RAP1B: variants seen among roughly 807,000 people sequenced by gnomAD.
The protein encoded by RAP1B is RAP1B, member of RAS oncogene family, also known as ras-related protein Rap-1b.
A neutral mutation model predicts 27.5 loss-of-function variants in RAP1B; 1 was observed. The observed-to-expected ratio is 0.04, with a 90% CI of 0.01 to 0.17. RAP1B has a LOEUF of 0.17. Ranked by LOEUF, RAP1B falls within the 10% of genes least tolerant of loss-of-function variation. The probability of loss-of-function intolerance (pLI) is 1.00; values close to 1 mark genes in which losing one functional copy is unlikely to be tolerated. For synonymous variants in RAP1B, 75 were observed against 73.1 expected (o/e 1.03, Z -0.13); for missense variants, 84 against 214.8 (o/e 0.39, Z 3.81).
intron 1 of RAP1B, among the ~76,000 whole-genome samples, chr12:68,616,184 G>A (rs918381300): frequency 2.0e-5 from 3 of 152,144 alleles, no homozygotes; most frequent in Non-Finnish European, 4.4e-5. Context: ...GGATGGTCTG[G>A]ATCTCCTGAC....
At position 68,637,616 on chromosome 12, in the gene RAP1B, A is replaced by C. The variant is rs868573528; in HGVS notation, c.-26-11083A>C. ...CTCCATCTCAAAAAAAAAAAAAAAA[A>C]AAAAAAAAAAAACAAGATGCCAGCC... On this transcript the variant is annotated intron_variant, in intron 1 of 7. Coordinates refer to ENST00000250559, the MANE Select transcript of RAP1B (RefSeq NM_001010942.3). 8.2e-3 allele frequency among the ~76,000 whole-genome samples: 1,229 copies of C among 150,154 alleles called. 15 individuals are homozygous for C. Among genetic ancestry groups the C allele is most frequent in the South Asian group, 0.018 (84 of 4,760 alleles).
Position 68,657,058 on chromosome 12 carries a change from A to G in RAP1B, c.469-43A>G, listed in dbSNP as rs370056267. On this transcript the variant is annotated intron_variant, in intron 6 of 7. Coordinates refer to ENST00000250559, the MANE Select transcript of RAP1B (RefSeq NM_001010942.3). ...ATTTACTTTTTTCATTGGGGGGGAT[A>G]GGTGTTCCTCCTGTAAATTAAAACA... The G allele has an allele frequency of 1.3e-4, 190 of 1,460,874 alleles. 4 individuals are homozygous for G. In the South Asian group the frequency reaches 1.7e-3, roughly 13 times the overall value. 90.5% of individuals were successfully genotyped at this position (1,460,874 alleles called of 1,614,324 possible). A position where few individuals can be genotyped will look rare whatever the true frequency, so the allele number is the denominator to read the frequency against.
intron 1 of RAP1B, chr12:68,627,493 T>G (rs1391359290): frequency 1.1e-5 from 3 of 266,902 alleles, no homozygotes; most frequent in Admixed American, 4.7e-5. Context: ...TAAAATTGAT[T>G]AGGTCTCCCG....
At chr12:68,632,149 T>G (rs1041163646) in intron 1 of RAP1B, among the ~76,000 whole-genome samples, 8 of 116,232 alleles carry the variant, frequency 6.9e-5, no homozygotes, top group African/African-American at 1.1e-4. Flanking sequence ...TTTTTTTGTT[T>G]GTTTTTTTTT....
rs1000667886 is a variant in RAP1B at position 68,662,063 on chromosome 12, A to T, written c.*2814A>T. 1 of 147,624 alleles carries T rather than the reference A, an allele frequency of 6.8e-6. No homozygotes were observed. Among genetic ancestry groups the T allele is most frequent in the Non-Finnish European group, 1.5e-5 (1 of 67,108 alleles). 9.1% of individuals were successfully genotyped at this position (147,624 alleles called of 1,614,324 possible). On this transcript the variant is annotated 3_prime_UTR_variant, in exon 8 of 8. Transcript: ENST00000250559. ...TATAGTACATATATAGAGAGAGTAT[A>T]TATATATATGTAGTACAGTGGAGGT...
chr12:68,617,800 G>A (rs1277142039), intron 1 of RAP1B, among the ~76,000 whole-genome samples: 1 of 151,580 alleles, frequency 6.6e-6, no homozygotes, highest in Admixed American at 6.6e-5. Flanking sequence ...GCCTCACTCT[G>A]TCACCCAGGC....
At chr12:68,641,483 C>T (rs1407531552) in intron 1 of RAP1B, among the ~76,000 whole-genome samples, 5 of 152,056 alleles carry the variant, frequency 3.3e-5, no homozygotes, top group African/African-American at 9.7e-5. Context: ...AATAAAACTA[C>T]GGTCTGTAGA....
In RAP1B at chr12:68,635,866, AT is replaced by A. The variant is rs569689359; in HGVS notation, c.-26-12829del. ...GGAGAACTGCTTTTGCAAAATTTCC[AT>A]TTTGGTTATACCCATGAAATTTTTT... On this transcript the variant is annotated intron_variant, in intron 1 of 7. Coordinates refer to ENST00000250559, the MANE Select transcript of RAP1B (RefSeq NM_001010942.3). Among the ~76,000 whole-genome samples, 5 of 145,840 alleles carry A rather than the reference AT, an allele frequency of 3.4e-5. No homozygotes were observed. In the South Asian group the frequency reaches 1.2e-3, roughly 34 times the overall value.
intron 1 of RAP1B, among the ~76,000 whole-genome samples, chr12:68,633,978 A>G (rs543525827): frequency 8.5e-5 from 13 of 152,226 alleles, no homozygotes; most frequent in Non-Finnish European, 7.3e-5. Flanking sequence ...CGTGTAAGAA[A>G]TAATAAGGCC....
At chr12:68,631,154 A>G (rs528565441) in intron 1 of RAP1B, among the ~76,000 whole-genome samples, 1 of 152,292 alleles carries the variant, frequency 6.6e-6, no homozygotes, top group East Asian at 1.9e-4. Flanking sequence ...AAAATAGGGA[A>G]GCAAAAATGT....
intron 1 of RAP1B, chr12:68,643,077 C>CT: frequency 3.0e-6 from 2 of 657,300 alleles, no homozygotes; most frequent in Non-Finnish European, 5.4e-6. Context: ...CTTAAAATTT[C>CT]TTTCAGAGTT....
intron 1 of RAP1B, among the ~76,000 whole-genome samples, chr12:68,641,732 G>C (rs996310351): frequency 6.6e-6 from 1 of 151,028 alleles, no homozygotes; most frequent in African/African-American, 2.4e-5. Flanking sequence ...AAGATAAATA[G>C]AAGAAATACT....
rs1158587868 is a variant in RAP1B at position 68,656,918 on chromosome 12, A to G, written c.469-183A>G. Among the ~76,000 whole-genome samples the G allele has an allele frequency of 2.0e-5, 3 of 152,306 alleles. No individual in the cohort carries two copies. In the East Asian group the frequency reaches 5.8e-4, roughly 29 times the overall value. ...AACTAAGTATTTTAAGGAGCACAAT[A>G]TTAACACTCCCCAAAAATTTGAGCT... is the stretch of plus-strand genomic sequence containing the variant. On this transcript the variant is annotated intron_variant, in intron 6 of 7. Coordinates refer to ENST00000250559, the MANE Select transcript of RAP1B (RefSeq NM_001010942.3).
In RAP1B at chr12:68,652,055, G is replaced by A. The variant is rs532726832; in HGVS notation, c.183+4G>A. ...AATCTTGGATACTGCAGGAACGGTA[G>A]GTAAAACTAAATACCAAAGTATATA... On this transcript the variant is annotated splice_donor_region_variant and intron_variant, in intron 4 of 7. Transcript: ENST00000250559. The A allele has an allele frequency of 2.7e-5, 43 of 1,608,178 alleles. No individual in the cohort carries two copies. In the Middle Eastern group the frequency reaches 6.6e-4, roughly 25 times the overall value.
At chr12:68,639,943 C>T (rs915005819) in intron 1 of RAP1B, among the ~76,000 whole-genome samples, 2 of 151,852 alleles carry the variant, frequency 1.3e-5, no homozygotes, top group African/African-American at 4.8e-5. Flanking sequence ...TGGGTTCAAG[C>T]GATTCTCCTG....
At position 68,664,092 on chromosome 12, in the gene RAP1B, AATG is replaced by A. The variant is rs754979958; in HGVS notation, c.*4845_*4847del. The A allele has an allele frequency of 1.4e-4, 22 of 152,200 alleles. No homozygotes were observed. The highest frequency in any genetic ancestry group is 2.8e-4 in the Non-Finnish European group (19 of 68,044). The allele number at this position is 152,200 out of a possible 1,614,324, so 9.4% of individuals were successfully genotyped here. On this transcript the variant is annotated 3_prime_UTR_variant, in exon 8 of 8. Transcript: ENST00000250559. Reference sequence around the variant, plus strand: ...CTGACTTTCCTTACAGACCCACATAAATGAGACAATCCAAATTTAGTATTTGGG... The same window carrying A: ...CTGACTTTCCTTACAGACCCACATAAAGACAATCCAAATTTAGTATTTGGG...
At position 68,668,667 on chromosome 12, in the gene RAP1B, A is replaced by T. The variant is rs1010317012; in HGVS notation, c.*9418A>T. ...GGCTCTTCTTTTCTGCCGTCCTATG[A>T]ATCACAAATAGAAGTTTAAGAAAGC... On this transcript the variant is annotated 3_prime_UTR_variant, in exon 8 of 8. Transcript: ENST00000250559. 2 of 152,244 alleles carry T rather than the reference A, an allele frequency of 1.3e-5. No individual in the cohort carries two copies. Among genetic ancestry groups the T allele is most frequent in the African/African-American group, 4.8e-5 (2 of 41,470 alleles). The allele number at this position is 152,244 out of a possible 1,614,324, so 9.4% of individuals were successfully genotyped here.
intron 1 of RAP1B, among the ~76,000 whole-genome samples, chr12:68,620,849 A>G (rs572835434): frequency 6.6e-6 from 1 of 152,222 alleles, no homozygotes; most frequent in African/African-American, 2.4e-5. Flanking sequence ...CAGTCCTCCA[A>G]AGTGCTGGGA....
At chr12:68,643,445 GTATT>G (rs1253798874) in intron 1 of RAP1B, among the ~76,000 whole-genome samples, 1 of 152,106 alleles carries the variant, frequency 6.6e-6, no homozygotes, top group Non-Finnish European at 1.5e-5. Flanking sequence ...TTTACATTGA[GTATT>G]TCTTTTTCTA....
Sources: gnomAD v4.1 joint callset for allele counts (sites outside exome capture counted in the v4.1 genomes callset) on GRCh38, gnomAD v4.1.1 for gene constraint, MANE v1.5 for transcripts, NCBI Gene and HGNC (gene_info 2026-07-23, HGNC 2026-07-21) for gene names.